Variants in NUP93 observed in about 807,000 individuals in gnomAD.
The protein encoded by NUP93 is nuclear pore complex protein Nup93.
A neutral mutation model predicts 107.8 loss-of-function variants in NUP93; 55 were observed. That is an observed-to-expected ratio of 0.51 (90% CI 0.41 to 0.64). The LOEUF (loss-of-function observed/expected upper bound fraction) is 0.64, where lower values mean the gene tolerates loss of function less well. Among genes scored for constraint, NUP93 ranks in the 30% least tolerant of loss-of-function variants. The pLI is 0.00. For missense variants in NUP93, 937 were observed against 1,044.7 expected, an observed-to-expected ratio of 0.90 and a Z score of 1.42; for synonymous variants, 390 against 397.5, an observed-to-expected ratio of 0.98 and a Z score of 0.22.
intron 5 of NUP93, among the ~76,000 whole-genome samples, chr16:56,807,081 G>A (rs778121023): frequency 1.3e-5 from 2 of 152,214 alleles, no homozygotes; most frequent in African/African-American, 2.4e-5. Flanking sequence ...GTCCCTACAT[G>A]ACATGGTCTT....
At chr16:56,816,969 G>A (rs1358404218) in intron 5 of NUP93, among the ~76,000 whole-genome samples, 2 of 152,048 alleles carry the variant, frequency 1.3e-5, no homozygotes, top group African/African-American at 4.8e-5. Flanking sequence ...GAAAGTAATG[G>A]CAAAACCTGC....
At chr16:56,841,669 G>C in intron 20 of NUP93, 36 bp from the exon 21 acceptor site, 1 of 1,610,188 alleles carries the variant, frequency 6.2e-7, no homozygotes, top group Non-Finnish European at 8.5e-7. Flanking sequence ...CAAAGGCTTG[G>C]TTCTTTTTCT....
At chr16:56,812,638 C>T (rs575112059) in intron 5 of NUP93, among the ~76,000 whole-genome samples, 3 of 152,130 alleles carry the variant, frequency 2.0e-5, no homozygotes, top group Admixed American at 1.3e-4. Context: ...CCACTGTGTC[C>T]GCCCCCCTAG....
In NUP93 at chr16:56,845,400, T is replaced by C. The variant is rs1412311916; in HGVS notation, c.*791T>C. ...CTATTTCCCTTCTCTGGTGGTCAGT[T>C]CCTCTGCTCAGACGACCCCCTTCCC... On this transcript the variant is annotated 3_prime_UTR_variant, in exon 22 of 22. Transcript: ENST00000308159. 2 of 152,246 alleles carry C rather than the reference T, an allele frequency of 1.3e-5. No individual in the cohort carries two copies. The highest frequency in any genetic ancestry group is 6.5e-5 in the Admixed American group (1 of 15,270). The allele number at this position is 152,246 out of a possible 1,614,324, so 9.4% of individuals were successfully genotyped here.
intron 18 of NUP93, 36 bp from the exon 19 acceptor site, chr16:56,838,916 C>A: frequency 7.1e-7 from 1 of 1,417,016 alleles, no homozygotes; most frequent in Non-Finnish European, 1.0e-6. Context: ...ATTCCTGATA[C>A]ACTCTTACTA....
chr16:56,787,142 G>A (rs1369354519), intron 3 of NUP93, among the ~76,000 whole-genome samples: 2 of 152,190 alleles, frequency 1.3e-5, no homozygotes, highest in Admixed American at 6.5e-5. Flanking sequence ...TTAAGAGAAC[G>A]TGAAATTACA....
Position 56,815,423 on chromosome 16 carries a change from GGGGGGCTTGGT to G in NUP93, c.490-3232_490-3222del, listed in dbSNP as rs372216087. On this transcript the variant is annotated intron_variant, in intron 5 of 21. Coordinates refer to ENST00000308159, the MANE Select transcript of NUP93 (RefSeq NM_014669.5). ...TCCAGAAGTATAAAATGCCCTGGCT[GGGGGGCTTGGT>G]GGGGGCTTCCATCAAACAAGGAATG... Among the ~76,000 whole-genome samples the G allele has an allele frequency of 1.5e-3, 227 of 152,246 alleles. 1 individual carries two copies. The highest frequency in any genetic ancestry group is 4.1e-3 in the African/African-American group (170 of 41,544).
chr16:56,834,632 T>C (rs926782402), intron 15 of NUP93, 102 bp from the exon 16 acceptor site: 15 of 1,123,294 alleles, frequency 1.3e-5, no homozygotes, highest in Middle Eastern at 2.0e-4. Flanking sequence ...CTAAGACTTA[T>C]CCCATTCATC....
chr16:56,831,790 T>A, intron 10 of NUP93, 52 bp from the exon 11 acceptor site: 1 of 1,575,612 alleles, frequency 6.3e-7, no homozygotes, highest in South Asian at 1.2e-5. Flanking sequence ...CAGATGCCCT[T>A]GAGGATTTTT....
chr16:56,753,563 T>G (rs1424997063), intron 2 of NUP93, among the ~76,000 whole-genome samples: 1 of 152,202 alleles, frequency 6.6e-6, no homozygotes, highest in African/African-American at 2.4e-5. Flanking sequence ...CCAAACCTAT[T>G]AAATCAGAAT....
At chr16:56,812,921 G>A (rs966527403) in intron 5 of NUP93, among the ~76,000 whole-genome samples, 5 of 152,160 alleles carry the variant, frequency 3.3e-5, no homozygotes, top group Non-Finnish European at 7.3e-5. Context: ...ACAGCATGCA[G>A]GATTTGAGCA....
intron 8 of NUP93, among the ~76,000 whole-genome samples, chr16:56,827,113 A>G (rs1232515272): frequency 3.4e-5 from 5 of 145,662 alleles, no homozygotes; most frequent in African/African-American, 1.3e-4. Context: ...AGGTTGTTTT[A>G]CTCTCTCTGT....
rs545814315 is a variant in NUP93, at chr16:56,833,905, A to T, written c.1538-223A>T. 3.3e-5 allele frequency among the ~76,000 whole-genome samples: 5 copies of T among 152,312 alleles called. No homozygotes were observed. The South Asian group carries it at 1.0e-3, about 32-fold the overall frequency. On this transcript the variant is annotated intron_variant, in intron 13 of 21. Transcript: ENST00000308159. ...ATTATGTTTTCACTCAAAGACCAGC[A>T]TATTAGTAATTTATGGCAAAGTGCT... is the stretch of plus-strand genomic sequence containing the variant.
intron 3 of NUP93, among the ~76,000 whole-genome samples, chr16:56,768,133 A>C (rs968072139): frequency 3.2e-4 from 49 of 152,232 alleles, no homozygotes; most frequent in African/African-American, 1.1e-3. Flanking sequence ...GACTGGGAGC[A>C]AACCATTTGT....
chr16:56,758,620 G>C lies in NUP93; in HGVS notation c.262G>C (p.Glu88Gln), dbSNP rs745384289. Residue 88 changes from glutamate (E) to glutamine (Q), a missense_variant, in exon 3 of 22, where the codon GAG becomes CAG. Transcript: ENST00000308159. Reference sequence around the variant, plus strand: ...GAGTCTGAGTGCAGCCACCACCTTTGAGCCTCTTGAGCCTGTGAAGGACAC... The same window carrying C: ...GAGTCTGAGTGCAGCCACCACCTTTCAGCCTCTTGAGCCTGTGAAGGACAC... ...LESLSAATTFEPLEPVKDTDI... is the reference protein window; with the variant it reads ...LESLSAATTFQPLEPVKDTDI... The C allele has an allele frequency of 6.2e-7, 1 of 1,613,780 alleles. No homozygotes were observed. The highest frequency in any genetic ancestry group is 2.2e-5 in the East Asian group (1 of 44,876).
intron 1 of NUP93, among the ~76,000 whole-genome samples, chr16:56,743,566 G>C (rs1276915710): frequency 2.0e-5 from 3 of 152,018 alleles, no homozygotes; most frequent in African/African-American, 7.2e-5. Context: ...AAAAAAGGTG[G>C]GTCATTGTCC....
At position 56,834,891 on chromosome 16, in the gene NUP93, G is replaced by C. The variant is rs1963879903; in HGVS notation, c.1782+113G>C. The stretch of plus-strand genomic sequence containing the variant: ...GGTACTAAAGATGCAAATCTGAACA[G>C]AGTTGCTTAATTTAAAAAATGGAAT... On this transcript the variant is annotated intron_variant, in intron 16 of 21. Transcript: ENST00000308159. 3.6e-6 allele frequency: 3 copies of C among 835,056 alleles called. No individual in the cohort carries two copies. In the South Asian group the frequency reaches 6.5e-5, roughly 18 times the overall value. 51.7% of individuals were successfully genotyped at this position (835,056 alleles called of 1,614,324 possible).
chr16:56,781,446 T>C (rs1596794451), intron 3 of NUP93, among the ~76,000 whole-genome samples: 1 of 152,204 alleles, frequency 6.6e-6, no homozygotes, highest in Admixed American at 6.5e-5. Context: ...CTACACATAC[T>C]GTAGACTAAA....
intron 3 of NUP93, among the ~76,000 whole-genome samples, chr16:56,792,569 T>TTTA (rs1372308874): frequency 6.6e-6 from 1 of 152,202 alleles, no homozygotes; most frequent in African/African-American, 2.4e-5. Flanking sequence ...AAATCTCTAT[T>TTTA]AAGGATATAC....
Sources: allele counts gnomAD v4.1 joint callset (sites outside exome capture counted in the v4.1 genomes callset), GRCh38; gene constraint gnomAD v4.1.1; transcripts MANE v1.5; gene names NCBI Gene and HGNC (gene_info 2026-07-23, HGNC 2026-07-21).